The following BMPR2 variants were observed in gnomAD, a reference collection of about 807,000 sequenced individuals.
The protein encoded by BMPR2 is bone morphogenetic protein receptor type 2.
In BMPR2, 29 loss-of-function variants were observed where a neutral mutation model predicts 100.8. The ratio of observed to expected loss-of-function variants is 0.29; its 90% confidence interval spans 0.21 to 0.39. The LOEUF (loss-of-function observed/expected upper bound fraction) is 0.39. BMPR2 is among the 10% of genes least tolerant of loss of function. BMPR2 has a pLI of 1.00. For synonymous variants in BMPR2, 382 were observed against 442.3 expected, an observed-to-expected ratio of 0.86 and a Z score of 1.71; for missense variants, 1,011 against 1,274.5, an observed-to-expected ratio of 0.79 and a Z score of 3.15.
rs184769534 is a variant in BMPR2, at chr2:202,436,311, T to C, written c.77-28498T>C. On this transcript the variant is annotated intron_variant, in intron 1 of 12. Transcript: ENST00000374580. The stretch of plus-strand genomic sequence containing the variant: ...CTACAAAAAAATTAGTTGGGCATGA[T>C]AGCCTGCGCCTGTGGTCCCAGCTAC... 1.5e-4 allele frequency among the ~76,000 whole-genome samples: 22 copies of C among 150,438 alleles called. No individual in the cohort carries two copies. In the East Asian group the frequency reaches 4.3e-3, roughly 29 times the overall value.
intron 1 of BMPR2, among the ~76,000 whole-genome samples, chr2:202,416,514 T>G (rs1305928858): frequency 6.7e-6 from 1 of 149,828 alleles, no homozygotes; most frequent in African/African-American, 2.5e-5. Flanking sequence ...CAACTTCTGC[T>G]TCCTGGGTTC....
intron 12 of BMPR2, among the ~76,000 whole-genome samples, chr2:202,559,419 C>G (rs985824580): frequency 1.3e-5 from 2 of 152,086 alleles, no homozygotes; most frequent in African/African-American, 4.8e-5. Context: ...GAGAATACAG[C>G]TGAGAAGTTT....
At chr2:202,448,602 A>C (rs1691904409) in intron 1 of BMPR2, among the ~76,000 whole-genome samples, 1 of 151,186 alleles carries the variant, frequency 6.6e-6, no homozygotes, top group Non-Finnish European at 1.5e-5. Flanking sequence ...AACTACAGGC[A>C]CGTGCCACCA....
chr2:202,377,261 C>A lies in BMPR2; in HGVS notation c.-214C>A. 1.6e-6 allele frequency: 1 copy of A among 634,294 alleles called. No individual in the cohort carries two copies. The highest frequency in any genetic ancestry group is 2.9e-6 in the Non-Finnish European group (1 of 348,504). 39.3% of individuals were successfully genotyped at this position (634,294 alleles called of 1,614,324 possible). On this transcript the variant is annotated 5_prime_UTR_variant, in exon 1 of 13. Coordinates refer to ENST00000374580, the MANE Select transcript of BMPR2 (RefSeq NM_001204.7). ...ACCCCGTCCGAGGCGAAGGAACCCC[C>A]CCAGCCGCGAGGGAGAGAAATGAAG...
intron 1 of BMPR2, among the ~76,000 whole-genome samples, chr2:202,461,341 G>A (rs1156732676): frequency 2.6e-5 from 4 of 151,942 alleles, no homozygotes; most frequent in South Asian, 2.1e-4. Context: ...AAAATTAGCC[G>A]GGCGTGGTGA....
chr2:202,475,117 A>T (rs970456956), intron 3 of BMPR2: 1 of 152,054 alleles, frequency 6.6e-6, no homozygotes, highest in Non-Finnish European at 1.5e-5. Context: ...AATATTTTCC[A>T]GGTTACTATA....
At position 202,464,890 on chromosome 2, in the gene BMPR2, A is replaced by G; in HGVS notation, c.158A>G (p.His53Arg). ...GGGATAGGTGAGAGTAGAATCTCTC[A>G]TGAAAATGGGACAATATTATGCTCG... ...DLGIGESRISHENGTILCSKG... is the reference protein window; with the variant it reads ...DLGIGESRISRENGTILCSKG... Residue 53 changes from histidine to arginine, a missense_variant, in exon 2 of 13, where the codon CAT becomes CGT. His to Arg is a conservative substitution (Grantham distance 29). Around this residue, in one of 6 missense-constraint regions of BMPR2, gnomAD observed 355 missense variants for 455.3 expected, o/e 0.78. Transcript: ENST00000374580. 6.2e-7 allele frequency: 1 copy of G among 1,614,182 alleles called. No individual in the cohort carries two copies. The highest frequency in any genetic ancestry group is 8.5e-7 in the Non-Finnish European group (1 of 1,180,008).
At chr2:202,444,039 A>G (rs1691800989) in intron 1 of BMPR2, among the ~76,000 whole-genome samples, 1 of 150,606 alleles carries the variant, frequency 6.6e-6, no homozygotes. Context: ...TGTAGTGACA[A>G]CCAAAAATGT....
At chr2:202,538,690 A>C (rs943787798) in intron 9 of BMPR2, among the ~76,000 whole-genome samples, 2 of 150,592 alleles carry the variant, frequency 1.3e-5, no homozygotes, top group African/African-American at 4.9e-5. Flanking sequence ...GCTACTCGGG[A>C]GGCTGAGGCA....
chr2:202,387,330 C>CTCATCTTTAGT (rs1690449811), intron 1 of BMPR2, among the ~76,000 whole-genome samples: 1 of 152,192 alleles, frequency 6.6e-6, no homozygotes, highest in Non-Finnish European at 1.5e-5. Context: ...AAGGGCCTTA[C>CTCATCTTTAGT]ATATTTACTG....
chr2:202,544,734 G>A (rs1343191343), intron 10 of BMPR2, among the ~76,000 whole-genome samples: 2 of 148,790 alleles, frequency 1.3e-5, no homozygotes, highest in Non-Finnish European at 3.0e-5. Context: ...CTTAAATTCA[G>A]AGGAATTTTC....
chr2:202,529,364 A>C (rs1246287704), intron 7 of BMPR2, among the ~76,000 whole-genome samples: 5 of 152,254 alleles, frequency 3.3e-5, no homozygotes, highest in African/African-American at 1.2e-4. Flanking sequence ...CAAATAAAGA[A>C]AATTAAAATG....
chr2:202,378,205 A>G (rs1221580127), intron 1 of BMPR2, among the ~76,000 whole-genome samples: 1 of 152,364 alleles, frequency 6.6e-6, no homozygotes, highest in East Asian at 1.9e-4. Flanking sequence ...TTAGACTTCT[A>G]GGAGATTTGA....
In BMPR2 at chr2:202,445,844, G is replaced by A. The variant is rs1368807589; in HGVS notation, c.77-18965G>A. Among the ~76,000 whole-genome samples the A allele has an allele frequency of 3.5e-5, 5 of 141,374 alleles. 1 individual carries two copies. The highest frequency in any genetic ancestry group is 2.1e-4 in the East Asian group (1 of 4,858). 92.7% of individuals were successfully genotyped at this position (141,374 alleles called of 152,430 possible). A position where few individuals can be genotyped will look rare whatever the true frequency, so the allele number is the denominator to read the frequency against. ...GGCTGGAGTGCAGTGGCACAATCTC[G>A]GCTCACTGCAACTTCCGCCTCCTAG... is the stretch of plus-strand genomic sequence containing the variant. On this transcript the variant is annotated intron_variant, in intron 1 of 12. Coordinates refer to ENST00000374580, the MANE Select transcript of BMPR2 (RefSeq NM_001204.7).
chr2:202,377,513 G>C lies in BMPR2; in HGVS notation c.39G>C (p.Trp13Cys), dbSNP rs1085307152. The C allele has an allele frequency of 6.2e-7, 1 of 1,614,112 alleles. No homozygotes were observed. Among genetic ancestry groups the C allele is most frequent in the East Asian group, 2.2e-5 (1 of 44,896 alleles). The change falls in exon 1 of 13, where the codon TGG becomes TGC. Residue 13 changes from tryptophan to cysteine, a missense_variant. Physicochemically the swap from Trp to Cys is radical, Grantham distance 215. Around this residue, in one of 6 missense-constraint regions of BMPR2, gnomAD observed 355 missense variants for 455.3 expected, o/e 0.78. Transcript: ENST00000374580. The part of the protein sequence containing the change: ...SSLQRPWRVP[W>C]LPWTILLVST... ...TGCAGCGGCCCTGGCGGGTGCCCTG[G>C]CTACCATGGACCATCCTGCTGGTCA...
Position 202,534,905 on chromosome 2 carries a change from ACCCCCCCACCTCCCTCCCGGACGGGGCG to A in BMPR2, c.1276+2174_1276+2201del, listed in dbSNP as rs1559067821. Among the ~76,000 whole-genome samples, 100 of 108,834 alleles carry A rather than the reference ACCCCCCCACCTCCCTCCCGGACGGGGCG, an allele frequency of 9.2e-4. 1 individual carries two copies. The highest frequency in any genetic ancestry group is 3.4e-3 in the African/African-American group (90 of 26,168). 71.4% of individuals were successfully genotyped at this position (108,834 alleles called of 152,430 possible). ...GGGCGGCTGGCCGGGCGGGGGGCTG[ACCCCCCCACCTCCCTCCCGGACGGGGCG>A]GCTGGCCGGGCGGGGGGCTGACCCC... On this transcript the variant is annotated intron_variant, in intron 9 of 12. Transcript: ENST00000374580.
At chr2:202,539,502 G>C (rs188357685) in intron 9 of BMPR2, among the ~76,000 whole-genome samples, 1 of 151,946 alleles carries the variant, frequency 6.6e-6, no homozygotes, top group African/African-American at 2.4e-5. Flanking sequence ...AGAGAATAGT[G>C]TATACTAACT....
At chr2:202,467,813 C>G in intron 3 of BMPR2, 124 bp downstream of exon 3, 1 of 988,232 alleles carries the variant, frequency 1.0e-6, no homozygotes, top group South Asian at 1.4e-5. Flanking sequence ...AATGCCAGCA[C>G]TTTGGGAGGC....
chr2:202,519,120 T>C, intron 6 of BMPR2, 68 bp downstream of exon 6: 1 of 1,513,884 alleles, frequency 6.6e-7, no homozygotes, highest in Non-Finnish European at 9.2e-7. Context: ...CCAGCACTTT[T>C]GGAGGCTAAG....
Sources: gnomAD v4.1 joint callset for allele counts (sites outside exome capture counted in the v4.1 genomes callset) on GRCh38, gnomAD v4.1.1 for gene constraint, gnomAD v4.1.1 regional missense constraint, MANE v1.5 for transcripts, NCBI Gene and HGNC (gene_info 2026-07-23, HGNC 2026-07-21) for gene names.